ME2: variants seen among roughly 807,000 people sequenced by gnomAD.
ME2 encodes malic enzyme 2.
ME2 carries 60 observed loss-of-function variants against 73.7 expected under a neutral mutation model. The observed-to-expected ratio is 0.81, with a 90% CI of 0.66 to 1.01. The LOEUF is 1.01. ME2 is among the 50% of genes least tolerant of loss of function. ME2 has a pLI of 0.00. For missense variants in ME2, 594 were observed against 705.5 expected, an observed-to-expected ratio of 0.84 and a Z score of 1.79; for synonymous variants, 199 against 236.9, an observed-to-expected ratio of 0.84 and a Z score of 1.47.
intron 13 of ME2, chr18:50,934,603 A>AG: frequency 6.6e-6 from 1 of 152,236 alleles, no homozygotes; most frequent in African/African-American, 2.4e-5. Context: ...AGCCATCATC[A>AG]TGCCAGTGCA....
At chr18:50,929,155 G>A (rs927172456) in intron 12 of ME2, among the ~76,000 whole-genome samples, 2 of 150,680 alleles carry the variant, frequency 1.3e-5, no homozygotes, top group African/African-American at 4.9e-5. Context: ...TGATATATTT[G>A]GCATTCTTTT....
intron 2 of ME2, among the ~76,000 whole-genome samples, chr18:50,897,450 GCA>G (rs2144199842): frequency 6.6e-6 from 1 of 152,276 alleles, no homozygotes; most frequent in East Asian, 1.9e-4. Context: ...TGTCGGCCAG[GCA>G]CAGTGGCTCA....
intron 2 of ME2, among the ~76,000 whole-genome samples, chr18:50,901,396 T>A (rs1433880433): frequency 6.6e-6 from 1 of 152,174 alleles, no homozygotes; most frequent in Non-Finnish European, 1.5e-5. Flanking sequence ...ATGTCTTATA[T>A]TAGATTGTAC....
chr18:50,895,193 TG>T (rs1379232489), intron 1 of ME2, among the ~76,000 whole-genome samples: 1 of 152,110 alleles, frequency 6.6e-6, no homozygotes, highest in Non-Finnish European at 1.5e-5. Flanking sequence ...TCTTTAAAAA[TG>T]TCCATGTTTA....
chr18:50,944,401 G>A (rs1158164118), intron 15 of ME2, among the ~76,000 whole-genome samples: 1 of 152,064 alleles, frequency 6.6e-6, no homozygotes, highest in Admixed American at 6.6e-5. Flanking sequence ...TTCTTTTTAG[G>A]AGCAAATAAG....
chr18:50,884,080 G>A (rs1916395429), intron 1 of ME2, among the ~76,000 whole-genome samples: 1 of 151,928 alleles, frequency 6.6e-6, no homozygotes, highest in African/African-American at 2.4e-5. Flanking sequence ...CTGTCTGTAA[G>A]TGTTCTAAGT....
rs761105154 is a variant in ME2, at chr18:50,921,211, A to G, written c.1056+24A>G. 6.0e-6 allele frequency: 7 copies of G among 1,165,710 alleles called. No homozygotes were observed. In the East Asian group the frequency reaches 1.8e-4, roughly 29 times the overall value. The allele number at this position is 1,165,710 out of a possible 1,614,324, so 72.2% of individuals were successfully genotyped here. ...AGGTAAGGTATTTAAAATTTGGAGA[A>G]GCAAAAGAGTGTATTATATTTTTAG... On this transcript the variant is annotated intron_variant, in intron 10 of 15. Coordinates refer to ENST00000321341, the MANE Select transcript of ME2 (RefSeq NM_002396.5).
chr18:50,915,624 C>A (rs1400509020), intron 4 of ME2: 2 of 152,190 alleles, frequency 1.3e-5, no homozygotes, highest in Non-Finnish European at 2.9e-5. Context: ...TTTTCTAACA[C>A]CCACATTGTT....
Position 50,880,749 on chromosome 18 carries a change from A to C in ME2, c.-13+1441A>C, listed in dbSNP as rs548404299. Among the ~76,000 whole-genome samples the C allele has an allele frequency of 2.0e-5, 3 of 152,314 alleles. No individual in the cohort carries two copies. In the East Asian group the frequency reaches 5.8e-4, roughly 29 times the overall value. On this transcript the variant is annotated intron_variant, in intron 1 of 15. Transcript: ENST00000321341. ...ATGACTTTTATCATGCATTAATAGG[A>C]AATGTTGGGCTATGCTTCTGTAGAA...
chr18:50,907,943 C>G, intron 2 of ME2, 120 bp from the exon 3 acceptor site: 1 of 731,848 alleles, frequency 1.4e-6, no homozygotes, highest in Non-Finnish European at 2.1e-6. Context: ...TTTTGAAAGC[C>G]TGGGCAAAAA....
rs1400327727 is a variant in ME2 at position 50,906,402 on chromosome 18, T to C, written c.109-1661T>C. Among the ~76,000 whole-genome samples, 3 of 152,158 alleles carry C rather than the reference T, an allele frequency of 2.0e-5. No individual in the cohort carries two copies. In the East Asian group the frequency reaches 5.8e-4, roughly 29 times the overall value. On this transcript the variant is annotated intron_variant, in intron 2 of 15. Coordinates refer to ENST00000321341, the MANE Select transcript of ME2 (RefSeq NM_002396.5). Reference sequence around the variant, plus strand: ...ATCTTGGCTCACTGCAACTTCCACCTCCCAGGTTCAAGTGATTCTCCTGTC... The same window carrying C: ...ATCTTGGCTCACTGCAACTTCCACCCCCCAGGTTCAAGTGATTCTCCTGTC...
chr18:50,916,146 A>G (rs757210238), intron 4 of ME2, 22 bp from the exon 5 acceptor site: 1 of 1,537,626 alleles, frequency 6.5e-7, no homozygotes, highest in South Asian at 1.2e-5. Flanking sequence ...TGAAATGCAA[A>G]GGTGTTTTTG....
At chr18:50,893,793 G>A (rs945397702) in intron 1 of ME2, among the ~76,000 whole-genome samples, 1 of 151,980 alleles carries the variant, frequency 6.6e-6, no homozygotes, top group Non-Finnish European at 1.5e-5. Context: ...TACATTCTTT[G>A]TCAGTGTTTT....
intron 12 of ME2, among the ~76,000 whole-genome samples, chr18:50,928,107 T>A (rs950907512): frequency 1.3e-5 from 2 of 151,828 alleles, no homozygotes; most frequent in Admixed American, 1.3e-4. Context: ...CATGAGCCAC[T>A]GTGCCCCACC....
intron 15 of ME2, among the ~76,000 whole-genome samples, chr18:50,941,261 CAAAAAA>C (rs35785739): frequency 2.2e-5 from 2 of 89,742 alleles, no homozygotes; most frequent in Non-Finnish European, 4.2e-5. Context: ...AACTCCATCT[CAAAAAA>C]AAAAAAAAAA....
chr18:50,888,617 T>G (rs969336868), intron 1 of ME2, among the ~76,000 whole-genome samples: 2 of 152,134 alleles, frequency 1.3e-5, no homozygotes, highest in African/African-American at 4.8e-5. Flanking sequence ...TGTCTAAGAC[T>G]CGTGATAACT....
In ME2 at chr18:50,949,005, A is replaced by G. The variant is rs922498646; in HGVS notation, c.*1821A>G. 21 of 151,016 alleles carry G rather than the reference A, an allele frequency of 1.4e-4. No homozygotes were observed. The highest frequency in any genetic ancestry group is 5.1e-4 in the African/African-American group (21 of 40,944). The allele number at this position is 151,016 out of a possible 1,614,324, so 9.4% of individuals were successfully genotyped here. Reference sequence around the variant, plus strand: ...CAGGCACCGGCCACCACACCCAGCTAATTTTTGTATTTTTAGTAGAGATGG... The same window carrying G: ...CAGGCACCGGCCACCACACCCAGCTGATTTTTGTATTTTTAGTAGAGATGG... On this transcript the variant is annotated 3_prime_UTR_variant, in exon 16 of 16. Coordinates refer to ENST00000321341, the MANE Select transcript of ME2 (RefSeq NM_002396.5).
intron 12 of ME2, among the ~76,000 whole-genome samples, chr18:50,926,749 G>A (rs1447947049): frequency 2.6e-5 from 4 of 152,054 alleles, no homozygotes; most frequent in African/African-American, 9.7e-5. Context: ...TTTCCAGTTT[G>A]CAGATTCTCT....
rs780594255 is a variant in ME2, at chr18:50,920,461, G to A, written c.740G>A (p.Gly247Asp). Residue 247 changes from glycine (G) to aspartate (D), a missense_variant, in exon 8 of 16, where the codon GGC becomes GAC. Physicochemically the swap from Gly to Asp is moderately conservative, Grantham distance 94. Coordinates refer to ENST00000321341, the MANE Select transcript of ME2 (RefSeq NM_002396.5). The stretch of plus-strand genomic sequence containing the variant: ...GTGGGTTTTGCTGTTTTTAGATATG[G>A]CCGGAACACACTCATTCAGTTCGAA... The part of the protein sequence containing the change: ...EFMKAITDRY[G>D]RNTLIQFEDF... 1.9e-6 allele frequency: 3 copies of A among 1,593,770 alleles called. No homozygotes were observed. In the Admixed American group the frequency reaches 5.6e-5, roughly 30 times the overall value.
Sources: gnomAD v4.1 joint callset for allele counts (sites outside exome capture counted in the v4.1 genomes callset) on GRCh38, gnomAD v4.1.1 for gene constraint, MANE v1.5 for transcripts, NCBI Gene and HGNC (gene_info 2026-07-23, HGNC 2026-07-21) for gene names.